The following C2orf49 variants were observed in gnomAD, a reference collection of about 807,000 sequenced individuals.
C2orf49 encodes the protein tRNA-splicing ligase complex subunit ASW.
A neutral mutation model predicts 20.6 loss-of-function variants in C2orf49; 11 were observed. The observed-to-expected ratio is 0.53, with a 90% CI of 0.34 to 0.88. The LOEUF (loss-of-function observed/expected upper bound fraction) is 0.88, where lower values mean the gene tolerates loss of function less well. Among genes scored for constraint, C2orf49 ranks in the 40% least tolerant of loss-of-function variants. The probability of loss-of-function intolerance (pLI) is 0.02; values close to 1 mark genes in which losing one functional copy is unlikely to be tolerated. For missense variants in C2orf49, 289 were observed against 274.2 expected (o/e 1.05, Z -0.38); for synonymous variants, 134 against 108.5 (o/e 1.24, Z -1.46).
the C2orf49 span, among the ~76,000 whole-genome samples, chr2:105,370,043 C>A: frequency 6.6e-6 from 1 of 152,144 alleles, no homozygotes; most frequent in Non-Finnish European, 1.5e-5. Context: ...CAGGCGGAAG[C>A]GCAGTCTTGA....
At chr2:105,383,760 C>A in the C2orf49 span, among the ~76,000 whole-genome samples, 3 of 152,198 alleles carry the variant, frequency 2.0e-5, no homozygotes, top group African/African-American at 7.2e-5. Context: ...TCTATCATTG[C>A]TTCCACTACA....
downstream of C2orf49, among the ~76,000 whole-genome samples, chr2:105,352,439 T>G (rs900549449): frequency 8.0e-6 from 1 of 124,560 alleles, no homozygotes; most frequent in African/African-American, 2.8e-5. Context: ...GTTTTTTTTT[T>G]TTTTTTTTTT....
At chr2:105,342,618 A>G (rs1357393668) in intron 2 of C2orf49, among the ~76,000 whole-genome samples, 1 of 152,256 alleles carries the variant, frequency 6.6e-6, no homozygotes, top group African/African-American at 2.4e-5. Context: ...CATGTTGTGT[A>G]TACATGAAAG....
At chr2:105,355,756 C>T in the C2orf49 span, among the ~76,000 whole-genome samples, 1 of 145,946 alleles carries the variant, frequency 6.9e-6, no homozygotes, top group African/African-American at 2.5e-5. Context: ...TTATATAGCT[C>T]AGGAGAAAAA....
the C2orf49 span, among the ~76,000 whole-genome samples, chr2:105,377,170 C>T: frequency 5.3e-5 from 8 of 152,194 alleles, no homozygotes; most frequent in Admixed American, 1.3e-4. Flanking sequence ...GAATACTAGG[C>T]GTAAATGGGC....
chr2:105,346,622 G>A lies in C2orf49; in HGVS notation c.*1251G>A. ...AGAGTCCAGGAAGCATAGCAGTCAG[G>A]GGCAAAAATTAGCGTAATATGGAGT... On this transcript the variant is annotated 3_prime_UTR_variant, in exon 4 of 4. Transcript: ENST00000258457. 6.6e-6 allele frequency: 1 copy of A among 152,142 alleles called. No homozygotes were observed. The highest frequency in any genetic ancestry group is 1.9e-4 in the East Asian group (1 of 5,194). 9.4% of individuals were successfully genotyped at this position (152,142 alleles called of 1,614,324 possible). A position where few individuals can be genotyped will look rare whatever the true frequency, so the allele number is the denominator to read the frequency against.
Position 105,347,005 on chromosome 2 carries a change from A to G in C2orf49, c.*1634A>G, listed in dbSNP as rs1356878302. On this transcript the variant is annotated 3_prime_UTR_variant, in exon 4 of 4. Coordinates refer to ENST00000258457, the MANE Select transcript of C2orf49 (RefSeq NM_024093.3). Reference sequence around the variant, plus strand: ...TTTCAATATGTTTTAAAGTAGTCTTATTCCTCTTTTGATTTGTTAAACAAG... The same window carrying G: ...TTTCAATATGTTTTAAAGTAGTCTTGTTCCTCTTTTGATTTGTTAAACAAG... 1 of 152,192 alleles carries G rather than the reference A, an allele frequency of 6.6e-6. No individual in the cohort carries two copies. Among genetic ancestry groups the G allele is most frequent in the African/African-American group, 2.4e-5 (1 of 41,460 alleles). The allele number at this position is 152,192 out of a possible 1,614,324, so 9.4% of individuals were successfully genotyped here. A position where few individuals can be genotyped will look rare whatever the true frequency, so the allele number is the denominator to read the frequency against.
the C2orf49 span, chr2:105,385,840 G>A: frequency 6.2e-6 from 1 of 161,418 alleles, no homozygotes; most frequent in African/African-American, 2.4e-5. Context: ...TTTCCCCATT[G>A]AAAGGAAACA....
the C2orf49 span, among the ~76,000 whole-genome samples, chr2:105,377,012 G>T: frequency 6.6e-6 from 1 of 152,346 alleles, no homozygotes; most frequent in East Asian, 1.9e-4. Flanking sequence ...CCAGGGGCTG[G>T]GATGAGAGGG....
chr2:105,342,747 C>G, intron 2 of C2orf49, 101 bp from the exon 3 acceptor site: 1 of 1,226,624 alleles, frequency 8.2e-7, no homozygotes, highest in Non-Finnish European at 1.1e-6. Flanking sequence ...TTAGTCTTAT[C>G]AGAAAATCTT....
the C2orf49 span, among the ~76,000 whole-genome samples, chr2:105,368,200 C>T: frequency 4.6e-5 from 7 of 152,186 alleles, no homozygotes; most frequent in Admixed American, 4.6e-4. Context: ...TGTGAATGAA[C>T]CTGGAACCTC....
intron 3 of C2orf49, among the ~76,000 whole-genome samples, chr2:105,343,497 C>A (rs1679729995): frequency 6.6e-6 from 1 of 152,198 alleles, no homozygotes; most frequent in South Asian, 2.1e-4. Flanking sequence ...AGATTTTTCT[C>A]ATTTAGTTCC....
In C2orf49 at chr2:105,339,764, T is replaced by G. The variant is rs372464030; in HGVS notation, c.266+15T>G. 3.4e-4 allele frequency: 527 copies of G among 1,561,092 alleles called. No individual in the cohort carries two copies. Among genetic ancestry groups the G allele is most frequent in the Non-Finnish European group, 4.2e-4 (488 of 1,160,532 alleles). On this transcript the variant is annotated intron_variant, in intron 2 of 3. Transcript: ENST00000258457. ...GAGACTAAAAGGTACTTTTTGGTGG[T>G]TCTAGCTTTCAATTTATCTTATATA...
rs752513768 is a variant in C2orf49 at position 105,343,036 on chromosome 2, T to A, written c.455T>A (p.Leu152Gln). 3 of 1,614,240 alleles carry A rather than the reference T, an allele frequency of 1.9e-6. No individual in the cohort carries two copies. Among genetic ancestry groups the A allele is most frequent in the South Asian group, 2.2e-5 (2 of 91,088 alleles). ...LSNSSSSVSP[L>Q]ILSSNLPVNN... ...AATTCCTCTTCGAGTGTTTCACCCC[T>A]AATTTTGTCTTCCAATTTGCCTGTG... The change falls in exon 3 of 4, where the codon CTA becomes CAA. Residue 152 changes from leucine (L) to glutamine (Q), a missense_variant. Leu to Gln is a moderately radical substitution (Grantham distance 113). Transcript: ENST00000258457.
the C2orf49 span, among the ~76,000 whole-genome samples, chr2:105,384,577 G>A: frequency 2.0e-5 from 3 of 152,024 alleles, no homozygotes; most frequent in African/African-American, 7.2e-5. Context: ...GCATGATCTC[G>A]GCTCACTGTA....
the C2orf49 span, among the ~76,000 whole-genome samples, chr2:105,355,771 TGTG>T: frequency 1.2e-4 from 2 of 16,360 alleles, no homozygotes. Flanking sequence ...GAAAAAATTT[TGTG>T]TGTGTGTGTG....
chr2:105,361,398 C>A, the C2orf49 span: 1 of 1,614,056 alleles, frequency 6.2e-7, no homozygotes, highest in Admixed American at 1.7e-5. Flanking sequence ...ATGCCACTGC[C>A]GTTCCTCAAA....
the C2orf49 span, among the ~76,000 whole-genome samples, chr2:105,371,423 C>T: frequency 1.5e-4 from 23 of 152,244 alleles, no homozygotes; most frequent in African/African-American, 4.8e-4. Context: ...TGCCGCCCTA[C>T]GGAATTCAAA....
the C2orf49 span, among the ~76,000 whole-genome samples, chr2:105,363,871 G>C: frequency 2.6e-5 from 4 of 152,194 alleles, no homozygotes; most frequent in African/African-American, 9.6e-5. Flanking sequence ...CTGTGGCTGG[G>C]AGCAGGTCAT....
Sources: allele counts gnomAD v4.1 joint callset (sites outside exome capture counted in the v4.1 genomes callset), GRCh38; gene constraint gnomAD v4.1.1; transcripts MANE v1.5; gene names NCBI Gene and HGNC (gene_info 2026-07-23, HGNC 2026-07-21).